Variants in WWOX observed in about 807,000 individuals in gnomAD.
The protein encoded by WWOX is WW domain-containing oxidoreductase.
A neutral mutation model predicts 46.2 loss-of-function variants in WWOX; 69 were observed. The ratio of observed to expected loss-of-function variants is 1.49; its 90% CI spans 1.23 to 1.82. WWOX has a LOEUF of 1.82. Among genes scored for constraint, WWOX ranks in the 40% most tolerant of loss-of-function variants. The pLI is 0.00. For synonymous variants in WWOX, 359 were observed against 202.6 expected, an observed-to-expected ratio of 1.77 and a Z score of -6.56; for missense variants, 919 against 542.6, an observed-to-expected ratio of 1.69 and a Z score of -6.89.
intron 5 of WWOX, among the ~76,000 whole-genome samples, chr16:78,265,678 CAAAA>C (rs61417547): frequency 2.3e-5 from 3 of 132,420 alleles, no homozygotes; most frequent in Admixed American, 7.7e-5. Context: ...AACTCCATGT[CAAAA>C]AAAAAAAAAA....
At chr16:78,499,517 C>T (rs1482422530) in intron 8 of WWOX, among the ~76,000 whole-genome samples, 1 of 152,214 alleles carries the variant, frequency 6.6e-6, no homozygotes, top group Non-Finnish European at 1.5e-5. Flanking sequence ...GCAGCGACTG[C>T]AGATTACTCA....
At chr16:78,690,101 T>G (rs1202547931) in intron 8 of WWOX, among the ~76,000 whole-genome samples, 7 of 152,148 alleles carry the variant, frequency 4.6e-5, no homozygotes, top group African/African-American at 1.7e-4. Flanking sequence ...CCTCAGGTGA[T>G]CCATCCATTT....
chr16:78,634,075 C>T (rs2046506318), intron 8 of WWOX, among the ~76,000 whole-genome samples: 1 of 152,058 alleles, frequency 6.6e-6, no homozygotes, highest in African/African-American at 2.4e-5. Flanking sequence ...CACTCTTGAA[C>T]CCAGAGAAGG....
At chr16:78,323,700 T>G (rs2080542653) in intron 5 of WWOX, among the ~76,000 whole-genome samples, 1 of 152,200 alleles carries the variant, frequency 6.6e-6, no homozygotes, top group South Asian at 2.1e-4. Flanking sequence ...TCTTCCTCTT[T>G]GGAATCAGGA....
At chr16:78,600,212 C>G (rs569912562) in intron 8 of WWOX, among the ~76,000 whole-genome samples, 1 of 152,148 alleles carries the variant, frequency 6.6e-6, no homozygotes, top group Non-Finnish European at 1.5e-5. Flanking sequence ...CACCGGGGCC[C>G]TCCCACAACA....
chr16:78,679,354 C>T (rs1352498169), intron 8 of WWOX, among the ~76,000 whole-genome samples: 1 of 152,134 alleles, frequency 6.6e-6, no homozygotes, highest in African/African-American at 2.4e-5. Flanking sequence ...AGTTCGAGAC[C>T]AGCTTGGCCA....
At chr16:78,325,609 A>G (rs1341119098) in intron 5 of WWOX, among the ~76,000 whole-genome samples, 1 of 152,184 alleles carries the variant, frequency 6.6e-6, no homozygotes, top group African/African-American at 2.4e-5. Context: ...ATAGAGAAGT[A>G]ATGAGATCAG....
At chr16:79,109,741 G>C (rs1359144384) in intron 8 of WWOX, among the ~76,000 whole-genome samples, 1 of 152,078 alleles carries the variant, frequency 6.6e-6, no homozygotes, top group East Asian at 1.9e-4. Flanking sequence ...CAAGAATCTA[G>C]AATCTAGAAT....
At chr16:78,864,254 C>T (rs892833107) in intron 8 of WWOX, among the ~76,000 whole-genome samples, 1 of 150,744 alleles carries the variant, frequency 6.6e-6, no homozygotes, top group African/African-American at 2.4e-5. Flanking sequence ...GAATGGAGCC[C>T]TTTTTTACTT....
chr16:78,934,504 G>A (rs1234787253), intron 8 of WWOX, among the ~76,000 whole-genome samples: 1 of 85,592 alleles, frequency 1.2e-5, no homozygotes, highest in Non-Finnish European at 2.2e-5. Context: ...GCGAAACCCT[G>A]TATCAAAAAA....
At chr16:78,967,377 G>C (rs772684167) in intron 8 of WWOX, among the ~76,000 whole-genome samples, 3 of 134,104 alleles carry the variant, frequency 2.2e-5, no homozygotes, top group African/African-American at 8.1e-5. Flanking sequence ...GCAGCCTCCC[G>C]GGCTCAAGCT....
chr16:78,437,538 G>A (rs2083360378), intron 8 of WWOX, among the ~76,000 whole-genome samples: 1 of 152,086 alleles, frequency 6.6e-6, no homozygotes, highest in Non-Finnish European at 1.5e-5. Context: ...TCTCAGCACA[G>A]CGGCCCCTAC....
intron 8 of WWOX, among the ~76,000 whole-genome samples, chr16:78,628,117 C>A (rs2046350595): frequency 6.6e-6 from 1 of 152,152 alleles, no homozygotes. Flanking sequence ...GTGGAATGAA[C>A]CTTCACACCG....
At position 78,430,038 on chromosome 16, in the gene WWOX, C is replaced by T. The variant is rs193293989; in HGVS notation, c.792-2450C>T. The stretch of plus-strand genomic sequence containing the variant: ...CTGCTAAGAAAGACATACCCGAGAC[C>T]GGGTAATTTATAAAGGAAACAGGTT... On this transcript the variant is annotated intron_variant, in intron 7 of 8. Transcript: ENST00000566780. Among the ~76,000 whole-genome samples the T allele has an allele frequency of 2.0e-3, 304 of 152,194 alleles. 2 individuals are homozygous for T. Among genetic ancestry groups the T allele is most frequent in the African/African-American group, 6.5e-3 (270 of 41,522 alleles).
chr16:78,918,446 G>C (rs928214786), intron 8 of WWOX, among the ~76,000 whole-genome samples: 1 of 151,908 alleles, frequency 6.6e-6, no homozygotes, highest in Admixed American at 6.6e-5. Flanking sequence ...TGGCAGGGCT[G>C]GACTGTCACT....
At chr16:78,494,898 C>T (rs765716556) in intron 8 of WWOX, among the ~76,000 whole-genome samples, 1 of 152,278 alleles carries the variant, frequency 6.6e-6, no homozygotes, top group African/African-American at 2.4e-5. Flanking sequence ...GGTTTTAGGC[C>T]TGTCCTTAGA....
chr16:78,663,997 T>G (rs1414897497), intron 8 of WWOX, among the ~76,000 whole-genome samples: 2 of 152,192 alleles, frequency 1.3e-5, no homozygotes, highest in Admixed American at 1.3e-4. Context: ...TGACTTATGG[T>G]GATCACTATT....
chr16:78,756,972 A>C (rs1342170702), intron 8 of WWOX: 1 of 702,888 alleles, frequency 1.4e-6, no homozygotes, highest in African/African-American at 1.7e-5. Context: ...GAGGATACTC[A>C]AGCATACCCG....
At chr16:78,281,315 C>T (rs2079674319) in intron 5 of WWOX, among the ~76,000 whole-genome samples, 2 of 152,144 alleles carry the variant, frequency 1.3e-5, no homozygotes, top group African/African-American at 4.8e-5. Context: ...GAGATTTGGG[C>T]GGGGACAAAT....
Sources: allele counts gnomAD v4.1 joint callset (sites outside exome capture counted in the v4.1 genomes callset), GRCh38; gene constraint gnomAD v4.1.1; transcripts MANE v1.5; gene names NCBI Gene and HGNC (gene_info 2026-07-23, HGNC 2026-07-21).